ZNF512: variants seen among roughly 807,000 people sequenced by gnomAD.
ZNF512 encodes zinc finger protein 512.
In ZNF512, 25 loss-of-function variants were observed where a neutral mutation model predicts 77.5. The observed-to-expected ratio is 0.32, with a 90% confidence interval of 0.23 to 0.45. ZNF512 has a LOEUF of 0.45. Among genes scored for constraint, ZNF512 ranks in the 20% least tolerant of loss-of-function variants. The pLI, the probability that ZNF512 is intolerant of heterozygous loss-of-function variation, is 1.00. For synonymous variants in ZNF512, 246 were observed against 239.9 expected (o/e 1.03, Z -0.24); for missense variants, 483 against 692.6 (o/e 0.70, Z 3.40).
intron 9 of ZNF512, among the ~76,000 whole-genome samples, chr2:27,604,074 G>A (rs192076187): frequency 4.0e-4 from 61 of 151,992 alleles, no homozygotes; most frequent in African/African-American, 1.4e-3. Flanking sequence ...TTACAGGTGC[G>A]TGCCACCACG....
At chr2:27,583,286 C>G (rs1421511422) in intron 1 of ZNF512, 144 bp downstream of exon 1, 1 of 1,368,162 alleles carries the variant, frequency 7.3e-7, no homozygotes, top group Non-Finnish European at 1.0e-6. Flanking sequence ...TCACCTGTCC[C>G]TTTTTCTTTA....
chr2:27,586,690 C>A (rs1232858026), intron 2 of ZNF512, among the ~76,000 whole-genome samples: 1 of 152,174 alleles, frequency 6.6e-6, no homozygotes, highest in Non-Finnish European at 1.5e-5. Context: ...TATGTCTGTA[C>A]CCGTGAAACC....
chr2:27,615,370 C>T, intron 11 of ZNF512, 101 bp downstream of exon 11: 1 of 691,498 alleles, frequency 1.4e-6, no homozygotes, highest in Non-Finnish European at 2.3e-6. Context: ...ACCTCAGTGG[C>T]TTAAAACAAT....
intron 2 of ZNF512, among the ~76,000 whole-genome samples, chr2:27,588,259 G>A (rs1414142686): frequency 6.6e-6 from 1 of 151,806 alleles, no homozygotes; most frequent in Non-Finnish European, 1.5e-5. Context: ...CCTCCCTGGA[G>A]GTCGTAGCGA....
In ZNF512 at chr2:27,587,738, A is replaced by G. The variant is rs771650752; in HGVS notation, c.89+4022A>G. Among the ~76,000 whole-genome samples, 4 of 150,864 alleles carry G rather than the reference A, an allele frequency of 2.7e-5. No homozygotes were observed. In the South Asian group the frequency reaches 6.3e-4, roughly 24 times the overall value. ...CTCTTGTTGCCCAGGCTGGAGTGCA[A>G]TGGTGCAATCTCGGCTCACTGCAAC... On this transcript the variant is annotated intron_variant, in intron 2 of 13. Coordinates refer to ENST00000355467, the MANE Select transcript of ZNF512 (RefSeq NM_032434.4).
intron 2 of ZNF512, among the ~76,000 whole-genome samples, chr2:27,586,828 A>C (rs1304970677): frequency 2.0e-5 from 3 of 152,218 alleles, no homozygotes; most frequent in African/African-American, 4.8e-5. Context: ...AGGATTTTAT[A>C]TAAATGAAGT....
At chr2:27,601,509 C>G in intron 7 of ZNF512, 67 bp downstream of exon 7, 3 of 1,348,200 alleles carry the variant, frequency 2.2e-6, no homozygotes, top group Non-Finnish European at 3.1e-6. Context: ...GAGTCTCACT[C>G]TGTTGCCCAG....
chr2:27,583,405 T>G (rs1287680256), intron 1 of ZNF512: 2 of 1,435,814 alleles, frequency 1.4e-6, no homozygotes, highest in African/African-American at 2.9e-5. Flanking sequence ...CCGTTGTCTT[T>G]TCTTTTGGCC....
At chr2:27,592,322 T>A (rs1671624862) in intron 2 of ZNF512, among the ~76,000 whole-genome samples, 1 of 151,426 alleles carries the variant, frequency 6.6e-6, no homozygotes, top group Admixed American at 6.6e-5. Flanking sequence ...TATTTTTATT[T>A]TTTTTTTGAG....
chr2:27,583,469 G>GATATT (rs1671201085), intron 1 of ZNF512, 189 bp from the exon 2 acceptor site: 1 of 1,461,530 alleles, frequency 6.8e-7, no homozygotes, highest in Non-Finnish European at 9.0e-7. Context: ...CGAAGGCTCT[G>GATATT]GTATTGTTAC....
chr2:27,596,431 C>G (rs1485857756), intron 2 of ZNF512, among the ~76,000 whole-genome samples: 1 of 152,164 alleles, frequency 6.6e-6, no homozygotes, highest in Non-Finnish European at 1.5e-5. Context: ...CCTCCCACCC[C>G]CAGTCCCCCA....
intron 10 of ZNF512, among the ~76,000 whole-genome samples, chr2:27,609,956 G>A (rs1042092161): frequency 3.3e-5 from 5 of 151,650 alleles, no homozygotes; most frequent in African/African-American, 2.4e-5. Flanking sequence ...CAGGAGAATC[G>A]TTTGAAACTG....
chr2:27,601,298 C>T, intron 6 of ZNF512, 58 bp from the exon 7 acceptor site: 1 of 1,298,194 alleles, frequency 7.7e-7, no homozygotes, highest in Non-Finnish European at 1.1e-6. Flanking sequence ...AGTCGGACTT[C>T]ATGACATTCT....
chr2:27,587,279 T>C (rs1053510865), intron 2 of ZNF512, among the ~76,000 whole-genome samples: 2 of 150,470 alleles, frequency 1.3e-5, no homozygotes, highest in African/African-American at 4.9e-5. Flanking sequence ...TTTTTTTTTT[T>C]TTTTTTTCTT....
At chr2:27,615,769 CCACTT>C (rs1338793255) in intron 11 of ZNF512, among the ~76,000 whole-genome samples, 1 of 152,184 alleles carries the variant, frequency 6.6e-6, no homozygotes, top group Non-Finnish European at 1.5e-5. Flanking sequence ...TAAATAGACT[CCACTT>C]CTTGATGGCA....
rs1405101117 is a variant in ZNF512, at chr2:27,608,160, T to G, written c.1131+121T>G. ...AGGCAGTATTTTGTTTGTTTATCTT[T>G]GGAGATAGAGTACATCTGATCTAGC... On this transcript the variant is annotated intron_variant, in intron 10 of 13. Coordinates refer to ENST00000355467, the MANE Select transcript of ZNF512 (RefSeq NM_032434.4). 18 of 941,182 alleles carry G rather than the reference T, an allele frequency of 1.9e-5. No homozygotes were observed. In the Admixed American group the frequency reaches 5.1e-4, roughly 26 times the overall value. 58.3% of individuals were successfully genotyped at this position (941,182 alleles called of 1,614,324 possible).
In ZNF512 at chr2:27,611,476, C is replaced by T. The variant is rs75471573; in HGVS notation, c.1131+3437C>T. ...AGCATGTTGGCCCTTCTCCATGTAT[C>T]ATATCAAAAGGTATATGATGTTGAT... On this transcript the variant is annotated intron_variant, in intron 10 of 13. Coordinates refer to ENST00000355467, the MANE Select transcript of ZNF512 (RefSeq NM_032434.4). Among the ~76,000 whole-genome samples, 1,389 of 152,180 alleles carry T rather than the reference C, an allele frequency of 9.1e-3. 20 individuals are homozygous for T. Among genetic ancestry groups the T allele is most frequent in the African/African-American group, 0.032 (1,324 of 41,512 alleles).
Position 27,607,959 on chromosome 2 carries a change from C to T in ZNF512, c.1051C>T (p.Gln351Ter). Residue 351 changes from glutamine (Q) to a stop codon, truncating the protein, a stop_gained, in exon 10 of 14, where the codon CAG (glutamine) becomes TAG (stop). Transcript: ENST00000355467. LOFTEE classifies it high-confidence loss of function. ...RSAKIAVYHL[Q>*]ELASAELAKE... ...TGCCAAGATAGCTGTATACCACCTA[C>T]AGGAGCTGGCCTCTGCTGAACTGGC... is the stretch of plus-strand genomic sequence containing the variant. 1.2e-6 allele frequency: 2 copies of T among 1,613,814 alleles called. No homozygotes were observed. Among genetic ancestry groups the T allele is most frequent in the Non-Finnish European group, 1.7e-6 (2 of 1,179,818 alleles).
At chr2:27,619,231 G>A (rs1037555988) in intron 13 of ZNF512, among the ~76,000 whole-genome samples, 1 of 152,132 alleles carries the variant, frequency 6.6e-6, no homozygotes, top group African/African-American at 2.4e-5. Flanking sequence ...CCATCATGGT[G>A]AAACCCCATC....
Sources: allele counts gnomAD v4.1 joint callset (sites outside exome capture counted in the v4.1 genomes callset), GRCh38; gene constraint gnomAD v4.1.1; transcripts MANE v1.5; gene names NCBI Gene and HGNC (gene_info 2026-07-23, HGNC 2026-07-21).